The following AP3B2 variants were observed in gnomAD, a reference collection of about 807,000 sequenced individuals.
The protein encoded by AP3B2 is AP-3 complex subunit beta-2.
Under a neutral mutation model 126.9 loss-of-function variants are expected in AP3B2, and 50 were observed. The observed-to-expected ratio is 0.39, with a 90% confidence interval of 0.31 to 0.50. AP3B2 has a LOEUF of 0.50. Among genes scored for constraint, AP3B2 ranks in the 20% least tolerant of loss-of-function variants. The probability of loss-of-function intolerance (pLI) is 0.79; values close to 1 mark genes in which losing one functional copy is unlikely to be tolerated. For missense variants in AP3B2, 1,177 were observed against 1,426.4 expected (o/e 0.83, Z 2.82); for synonymous variants, 541 against 565.0 (o/e 0.96, Z 0.60).
At chr15:82,663,468 C>A in intron 21 of AP3B2, 92 bp downstream of exon 21, 1 of 1,428,440 alleles carries the variant, frequency 7.0e-7, no homozygotes, top group Non-Finnish European at 9.8e-7. Context: ...TCCCACAAGA[C>A]CTGAGGAACC....
rs766432930 is a variant in AP3B2 at position 82,680,706 on chromosome 15, T to G, written c.821A>C (p.Glu274Ala). Reference protein sequence around the residue: ...NAEKAFYGSEEDEAKGAGSEE... With the variant: ...NAEKAFYGSEADEAKGAGSEE... ...AGACCCCGCGCCCTTGGCCTCGTCC[T>G]CCTCTGAGCCGTAGAAGGCTTTTTC... is the stretch of plus-strand genomic sequence containing the variant. Residue 274 changes from glutamate (E) to alanine (A), a missense_variant, in exon 8 of 27, where the codon GAG becomes GCG. Glu to Ala is a moderately radical substitution (Grantham distance 107, BLOSUM62 -1). Coordinates refer to ENST00000535359, the MANE Select transcript of AP3B2 (RefSeq NM_001278512.2). This position sits in a 1 kb window ranked among gnomAD's most constrained non-coding sequence, Gnocchi z 6.1. The G allele has an allele frequency of 2.4e-5, 37 of 1,563,584 alleles. No homozygotes were observed. The South Asian group carries it at 2.9e-4, about 12-fold the overall frequency.
At position 82,663,421 on chromosome 15, in the gene AP3B2, T is replaced by C. The variant is rs188497616; in HGVS notation, c.2497+139A>G. 1.1e-4 allele frequency: 120 copies of C among 1,124,080 alleles called. No individual in the cohort carries two copies. The East Asian group carries it at 3.0e-3, about 28-fold the overall frequency. The allele number at this position is 1,124,080 out of a possible 1,614,324, so 69.6% of individuals were successfully genotyped here. ...CCTGGGGAGGTCAGCCCTGCTGCCC[T>C]CTCAGGCCTGAAGATATGTTCTGTC... On this transcript the variant is annotated intron_variant, in intron 21 of 26. Coordinates refer to ENST00000535359, the MANE Select transcript of AP3B2 (RefSeq NM_001278512.2).
chr15:82,708,483 C>G (rs1475608991), intron 1 of AP3B2, among the ~76,000 whole-genome samples: 1 of 152,028 alleles, frequency 6.6e-6, no homozygotes, highest in Non-Finnish European at 1.5e-5. Context: ...CCACCTCTTC[C>G]ACAGCCTCAA....
At position 82,664,004 on chromosome 15, in the gene AP3B2, C is replaced by A. The variant is rs1355417861; in HGVS notation, c.2262-29G>T. On this transcript the variant is annotated intron_variant, in intron 19 of 26. Coordinates refer to ENST00000535359, the MANE Select transcript of AP3B2 (RefSeq NM_001278512.2). This position sits in a 1 kb window ranked among gnomAD's most constrained non-coding sequence, Gnocchi z 4.5. ...AAGGAGTGGGAAAGGTTGGCTCAGG[C>A]CTGGCCTGGACACTCCCTCCTTGCT... is the stretch of plus-strand genomic sequence containing the variant. The A allele has an allele frequency of 6.3e-7, 1 of 1,592,066 alleles. No homozygotes were observed.
chr15:82,707,452 T>A (rs1383376583), intron 1 of AP3B2, among the ~76,000 whole-genome samples: 2 of 152,170 alleles, frequency 1.3e-5, no homozygotes, highest in Non-Finnish European at 2.9e-5. Context: ...AAACTTGTCA[T>A]CCCTACTATC....
intron 1 of AP3B2, among the ~76,000 whole-genome samples, chr15:82,701,318 C>T (rs28737193): frequency 0.16 from 24,369 of 152,172 alleles, 2,129 homozygotes; most frequent in Non-Finnish European, 0.21. Flanking sequence ...GCCTCTCTCC[C>T]ACCAATCGCT....
At chr15:82,679,512 A>G (rs1238904298) in intron 10 of AP3B2, among the ~76,000 whole-genome samples, 4 of 152,212 alleles carry the variant, frequency 2.6e-5, no homozygotes, top group Non-Finnish European at 5.9e-5. Context: ...GAAGAGTAGC[A>G]GGTGTATACC....
chr15:82,684,072 T>C (rs2048387534), intron 4 of AP3B2, among the ~76,000 whole-genome samples: 1 of 152,196 alleles, frequency 6.6e-6, no homozygotes, highest in Non-Finnish European at 1.5e-5. Flanking sequence ...CCCCAGGATT[T>C]TCAGAATGGT....
intron 1 of AP3B2, chr15:82,692,745 C>T (rs375293771): frequency 6.6e-6 from 1 of 152,340 alleles, no homozygotes; most frequent in African/African-American, 2.4e-5. Context: ...AAAGCCAGAC[C>T]TGTCACTGAA....
At chr15:82,686,825 C>T (rs532602520) in intron 4 of AP3B2, 14 of 152,084 alleles carry the variant, frequency 9.2e-5, no homozygotes, top group African/African-American at 3.4e-4. Flanking sequence ...GGGTTCAAGC[C>T]ATTCTCCTGC....
chr15:82,683,914 A>G (rs1189416283), intron 4 of AP3B2, among the ~76,000 whole-genome samples: 4 of 152,222 alleles, frequency 2.6e-5, no homozygotes, highest in African/African-American at 9.7e-5. Flanking sequence ...ATGAGCAGTA[A>G]TATTATGAAA....
chr15:82,677,584 C>A (rs1403728366), intron 12 of AP3B2, 87 bp downstream of exon 12: 9 of 1,463,150 alleles, frequency 6.2e-6, no homozygotes, highest in Non-Finnish European at 7.3e-6. Flanking sequence ...TCTAGGCAGA[C>A]TGGTGGATAT....
intron 24 of AP3B2, 34 bp downstream of exon 24, chr15:82,662,134 A>G: frequency 6.4e-7 from 1 of 1,557,368 alleles, no homozygotes; most frequent in Non-Finnish European, 8.7e-7. Context: ...TTTCCAGCCC[A>G]TCCTCTCACC....
At chr15:82,692,214 A>T (rs893613945) in intron 1 of AP3B2, 4 of 1,265,588 alleles carry the variant, frequency 3.2e-6, no homozygotes, top group Non-Finnish European at 4.4e-6. Flanking sequence ...CTCAAAGCGC[A>T]CCAAGGCGAA....
rs1324981399 is a variant in AP3B2, at chr15:82,665,231, C to T, written c.2028+16G>A. 6.5e-7 allele frequency: 1 copy of T among 1,537,056 alleles called. No individual in the cohort carries two copies. The highest frequency in any genetic ancestry group is 8.7e-7 in the Non-Finnish European group (1 of 1,146,914). Reference sequence around the variant, plus strand: ...ACAGGGCAGGGGAGAGAGCACACGTCACACGAAGGTGGGACCTCAGTGTAT... The same window carrying T: ...ACAGGGCAGGGGAGAGAGCACACGTTACACGAAGGTGGGACCTCAGTGTAT... On this transcript the variant is annotated intron_variant, in intron 17 of 26. Transcript: ENST00000535359. This position sits in a 1 kb window ranked among gnomAD's most constrained non-coding sequence, Gnocchi z 4.4.
In AP3B2 at chr15:82,664,423, A is replaced by C; in HGVS notation, c.2205T>G (p.Ser735Arg). The C allele has an allele frequency of 6.2e-7, 1 of 1,613,710 alleles. No homozygotes were observed. The highest frequency in any genetic ancestry group is 8.5e-7 in the Non-Finnish European group (1 of 1,179,816). ...CATCCTGGTCTTCATTGTCGGACTC[A>C]CTGCTGGACTCCCCAGAGCCGCTCT... is the stretch of plus-strand genomic sequence containing the variant. Reference protein sequence around the residue: ...SSESGSGESSSESDNEDQDED... With the variant: ...SSESGSGESSRESDNEDQDED... The change falls in exon 19 of 27, where the codon AGT becomes AGG. Residue 735 changes from serine to arginine, a missense_variant. By Grantham distance (110) the Ser-to-Arg change is moderately radical. Coordinates refer to ENST00000535359, the MANE Select transcript of AP3B2 (RefSeq NM_001278512.2). The surrounding 1 kb of genome is among the most constrained non-coding windows in gnomAD (Gnocchi z 4.5).
intron 3 of AP3B2, 29 bp from the exon 4 acceptor site, chr15:82,688,860 C>T (rs776418991): frequency 5.1e-6 from 8 of 1,580,068 alleles, no homozygotes; most frequent in Non-Finnish European, 6.9e-6. Flanking sequence ...CTCAGCAGAA[C>T]GCTTCTCAGC....
chr15:82,678,275 C>T, intron 10 of AP3B2, 108 bp from the exon 11 acceptor site: 1 of 1,031,388 alleles, frequency 9.7e-7, no homozygotes. Flanking sequence ...TCATGACAGC[C>T]CTGCATCATC....
chr15:82,681,098 C>G lies in AP3B2; in HGVS notation c.588+14G>C. ...CCGGTCACCACCCCTCCCGGAGCGCCCCTATACACGCACCGTGGTCTTGTC... is the reference window on the plus strand; with the variant it reads ...CCGGTCACCACCCCTCCCGGAGCGCGCCTATACACGCACCGTGGTCTTGTC... On this transcript the variant is annotated intron_variant, in intron 6 of 26. Coordinates refer to ENST00000535359, the MANE Select transcript of AP3B2 (RefSeq NM_001278512.2). This position sits in a 1 kb window ranked among gnomAD's most constrained non-coding sequence, Gnocchi z 4.0. 6.2e-7 allele frequency: 1 copy of G among 1,613,574 alleles called. No individual in the cohort carries two copies. Among genetic ancestry groups the G allele is most frequent in the Non-Finnish European group, 8.5e-7 (1 of 1,179,780 alleles).
Sources: gnomAD v4.1 joint callset for allele counts (sites outside exome capture counted in the v4.1 genomes callset) on GRCh38, gnomAD v4.1.1 for gene constraint, Gnocchi (gnomAD v3.1) non-coding constraint, MANE v1.5 for transcripts, NCBI Gene and HGNC (gene_info 2026-07-23, HGNC 2026-07-21) for gene names.